The following DEFB107B variants were observed in gnomAD, a reference collection of about 807,000 sequenced individuals.
DEFB107B encodes defensin beta 107B, also known as beta-defensin 107.
chr8:7,508,103 G>T (rs1314401199), intron 1 of DEFB107B, among the ~76,000 whole-genome samples: 1 of 124,578 alleles, frequency 8.0e-6, no homozygotes, highest in Non-Finnish European at 1.6e-5. Context: ...GTGTGTATGT[G>T]TGTGCGTGTG....
At chr8:7,496,954 G>C (rs1407242611) in intron 1 of DEFB107B, among the ~76,000 whole-genome samples, 1 of 121,188 alleles carries the variant, frequency 8.3e-6, no homozygotes, top group Non-Finnish European at 1.7e-5. Context: ...CCTAAGAAAT[G>C]TTTATGTCCA....
intron 1 of DEFB107B, among the ~76,000 whole-genome samples, chr8:7,497,325 G>A (rs1180664574): frequency 1.3e-5 from 2 of 152,274 alleles, no homozygotes; most frequent in Non-Finnish European, 2.9e-5. Context: ...GTATAAGTAA[G>A]TATATCAATG....
chr8:7,508,728 G>GA (rs1161248739), intron 1 of DEFB107B, among the ~76,000 whole-genome samples: 9 of 89,516 alleles, frequency 1.0e-4, no homozygotes, highest in South Asian at 3.7e-4. Flanking sequence ...GGATACAGGG[G>GA]AAAAAAAATC....
chr8:7,497,215 C>A (rs1465122774), intron 1 of DEFB107B, among the ~76,000 whole-genome samples: 1 of 151,558 alleles, frequency 6.6e-6, no homozygotes, highest in Non-Finnish European at 1.5e-5. Context: ...AAAGCATGGA[C>A]ATTGACCTTA....
chr8:7,496,290 CTTTTTTTTTTTTTTTTTT>C (rs1171104972), intron 1 of DEFB107B, among the ~76,000 whole-genome samples: 2 of 46,830 alleles, frequency 4.3e-5, no homozygotes, highest in African/African-American at 2.2e-4. Context: ...TCAGCATATT[CTTTTTTTTTTTTTTTTTT>C]TTTTTTTTTG....
At chr8:7,496,258 C>G (rs1304570767) in intron 1 of DEFB107B, among the ~76,000 whole-genome samples, 2 of 88,870 alleles carry the variant, frequency 2.3e-5, no homozygotes, top group Admixed American at 1.5e-4. Context: ...CTCTTTCCTC[C>G]TTTGTAATCT....
In DEFB107B at chr8:7,508,148, T is replaced by C. The variant is rs1310749362; in HGVS notation, c.71-933T>C. ...TGATTGTCCAGTTGCCTGATAAATTTAAGTGATCTGTAGTTCACAGTATCC... is the reference window on the plus strand; with the variant it reads ...TGATTGTCCAGTTGCCTGATAAATTCAAGTGATCTGTAGTTCACAGTATCC... On this transcript the variant is annotated intron_variant, in intron 1 of 1. Coordinates refer to ENST00000355602, the MANE Select transcript of DEFB107B (RefSeq NM_001040705.2). 3.5e-4 allele frequency among the ~76,000 whole-genome samples: 48 copies of C among 137,502 alleles called. 1 individual carries two copies. Among genetic ancestry groups the C allele is most frequent in the African/African-American group, 1.4e-3 (46 of 32,996 alleles). 90.2% of individuals were successfully genotyped at this position (137,502 alleles called of 152,430 possible). A position where few individuals can be genotyped will look rare whatever the true frequency, so the allele number is the denominator to read the frequency against.
chr8:7,496,544 C>T (rs1212885007), intron 1 of DEFB107B, among the ~76,000 whole-genome samples: 1 of 151,526 alleles, frequency 6.6e-6, no homozygotes, highest in Admixed American at 6.6e-5. Flanking sequence ...TCGTGATCCG[C>T]CCTCCTCGGC....
intron 1 of DEFB107B, among the ~76,000 whole-genome samples, chr8:7,508,230 C>T (rs796215857): frequency 1.4e-5 from 2 of 141,762 alleles, no homozygotes; most frequent in African/African-American, 2.9e-5. Context: ...GAAATCTAAG[C>T]CCCTGCAATT....
At chr8:7,500,731 GCTT>G (rs1217567756) in intron 1 of DEFB107B, among the ~76,000 whole-genome samples, 1 of 69,028 alleles carries the variant, frequency 1.4e-5, no homozygotes, top group Admixed American at 1.5e-4. Flanking sequence ...AACTGCGTCA[GCTT>G]CTTTAGTTGT....
intron 1 of DEFB107B, among the ~76,000 whole-genome samples, chr8:7,496,424 C>T (rs1400512176): frequency 6.8e-6 from 1 of 147,472 alleles, no homozygotes; most frequent in Non-Finnish European, 1.5e-5. Flanking sequence ...CTCAGCCTCC[C>T]GAGTAGCTGG....
intron 1 of DEFB107B, among the ~76,000 whole-genome samples, chr8:7,507,893 G>C (rs546380463): frequency 6.8e-6 from 1 of 146,708 alleles, no homozygotes; most frequent in Non-Finnish European, 1.5e-5. Flanking sequence ...ATGACTAAAA[G>C]TCTGAAGGTA....
chr8:7,497,575 G>C (rs1032511439), intron 1 of DEFB107B, among the ~76,000 whole-genome samples: 1 of 152,144 alleles, frequency 6.6e-6, no homozygotes, highest in African/African-American at 2.4e-5. Flanking sequence ...GAAAGTCTCA[G>C]TTGTAAAATC....
chr8:7,496,759 A>AT (rs1487204597), intron 1 of DEFB107B, among the ~76,000 whole-genome samples: 1 of 125,786 alleles, frequency 8.0e-6, no homozygotes, highest in African/African-American at 3.1e-5. Context: ...TAGACAGCTA[A>AT]TTTTTTTTCA....
At chr8:7,496,332 C>T (rs1415321219) in intron 1 of DEFB107B, among the ~76,000 whole-genome samples, 9 of 49,456 alleles carry the variant, frequency 1.8e-4, no homozygotes, top group African/African-American at 6.4e-4. Flanking sequence ...CGGAGTCTCG[C>T]GCTGTCGCCC....
intron 1 of DEFB107B, among the ~76,000 whole-genome samples, chr8:7,497,429 A>G (rs1811795950): frequency 6.6e-6 from 1 of 151,598 alleles, no homozygotes; most frequent in Non-Finnish European, 1.5e-5. Flanking sequence ...AGATGTGGAA[A>G]CTTGGTTCTA....
Position 7,498,096 on chromosome 8 carries a change from C to G in DEFB107B, c.70+2093C>G. Among the ~76,000 whole-genome samples, 2 of 18,052 alleles carry G rather than the reference C, an allele frequency of 1.1e-4. 1 individual carries two copies. The highest frequency in any genetic ancestry group is 4.1e-4 in the Non-Finnish European group (2 of 4,876). The allele number at this position is 18,052 out of a possible 152,430, so 11.8% of individuals were successfully genotyped here. On this transcript the variant is annotated intron_variant, in intron 1 of 1. Transcript: ENST00000355602. ...CAAAGAGGGGGATGTGTCAGGGTCA[C>G]AAGACAATTGTGGGGAGAGGGTCAG...
At chr8:7,508,029 G>T (rs1216923850) in intron 1 of DEFB107B, among the ~76,000 whole-genome samples, 2 of 63,898 alleles carry the variant, frequency 3.1e-5, no homozygotes, top group Non-Finnish European at 6.4e-5. Context: ...TTATTTTTTT[G>T]TTCTCTGTCC....
intron 1 of DEFB107B, among the ~76,000 whole-genome samples, chr8:7,496,542 C>T (rs1362755161): frequency 0.011 from 1,624 of 147,612 alleles, 5 homozygotes; most frequent in African/African-American, 0.041. Flanking sequence ...CTTCGTGATC[C>T]GCCCTCCTCG....
Sources: allele counts gnomAD v4.1 joint callset (sites outside exome capture counted in the v4.1 genomes callset), GRCh38; gene constraint gnomAD v4.1.1; transcripts MANE v1.5; gene names NCBI Gene and HGNC (gene_info 2026-07-23, HGNC 2026-07-21).